The following DOCK1 variants were observed in gnomAD, a reference collection of about 807,000 sequenced individuals.
The protein encoded by DOCK1 is dedicator of cytokinesis protein 1.
A neutral mutation model predicts 262.7 loss-of-function variants in DOCK1; 138 were observed. The ratio of observed to expected loss-of-function variants is 0.53; its 90% CI spans 0.46 to 0.61. DOCK1 has a LOEUF of 0.61. DOCK1 is among the 20% of genes least tolerant of loss of function. The pLI is 0.00. For synonymous variants in DOCK1, 866 were observed against 867.4 expected (o/e 1.00, Z 0.03); for missense variants, 1,908 against 2,370.7 (o/e 0.80, Z 4.05).
At chr10:127,196,697 C>T (rs919291123) in intron 27 of DOCK1, among the ~76,000 whole-genome samples, 16 of 144,440 alleles carry the variant, frequency 1.1e-4, no homozygotes, top group African/African-American at 4.0e-4. Context: ...CCCCCTCCCG[C>T]CGCCGCCAGA....
intron 40 of DOCK1, among the ~76,000 whole-genome samples, chr10:127,405,507 G>A (rs2067468843): frequency 6.8e-6 from 1 of 147,718 alleles, no homozygotes; most frequent in Non-Finnish European, 1.5e-5. Context: ...GATTGCTCTG[G>A]CTTTAGGAAG....
At chr10:126,976,012 A>T (rs998529086) in intron 2 of DOCK1, among the ~76,000 whole-genome samples, 2 of 152,206 alleles carry the variant, frequency 1.3e-5, no homozygotes, top group East Asian at 3.8e-4. Context: ...GTTTCAGAAA[A>T]GAAAGGACAT....
rs960823823 is a variant in DOCK1 at position 126,949,970 on chromosome 10, C to T, written c.47-20732C>T. ...TTGTGGCTAGGGACAGAAGCTGGGT[C>T]AGAAACATTAGCCCCCCAAAGCAGG... On this transcript the variant is annotated intron_variant, in intron 1 of 51. Transcript: ENST00000623213. Among the ~76,000 whole-genome samples, 5 of 151,838 alleles carry T rather than the reference C, an allele frequency of 3.3e-5. No homozygotes were observed. In the South Asian group the frequency reaches 1.0e-3, roughly 32 times the overall value.
At position 127,127,782 on chromosome 10, in the gene DOCK1, T is replaced by C; in HGVS notation, c.2847+18T>C. 1 of 1,598,724 alleles carries C rather than the reference T, an allele frequency of 6.3e-7. No individual in the cohort carries two copies. The highest frequency in any genetic ancestry group is 2.2e-5 in the East Asian group (1 of 44,660). On this transcript the variant is annotated intron_variant, in intron 27 of 51. Transcript: ENST00000623213. The stretch of plus-strand genomic sequence containing the variant: ...AACTCATTGTAAGTGCTTGGTGACA[T>C]ATGTTTGGATATTTAACTGGGGCTG...
At chr10:126,948,042 GTGGTGA>G (rs2035699574) in intron 1 of DOCK1, among the ~76,000 whole-genome samples, 1 of 138,588 alleles carries the variant, frequency 7.2e-6, no homozygotes, top group African/African-American at 2.7e-5. Flanking sequence ...ATTACTGTTG[GTGGTGA>G]TGGTGGTGGT....
chr10:127,059,188 A>C (rs2045370909), intron 22 of DOCK1, among the ~76,000 whole-genome samples: 1 of 152,046 alleles, frequency 6.6e-6, no homozygotes, highest in Non-Finnish European at 1.5e-5. Context: ...TTACTGTTAC[A>C]TCTTTGAATT....
chr10:127,130,129 G>C (rs2050233415), intron 27 of DOCK1, among the ~76,000 whole-genome samples: 1 of 143,174 alleles, frequency 7.0e-6, no homozygotes, highest in African/African-American at 2.7e-5. Context: ...TGTCGCCCAG[G>C]CTGGAGTGCA....
At chr10:127,401,732 C>A (rs1415890358) in intron 38 of DOCK1, among the ~76,000 whole-genome samples, 1 of 151,728 alleles carries the variant, frequency 6.6e-6, no homozygotes, top group Non-Finnish European at 1.5e-5. Flanking sequence ...ACAGTGTACA[C>A]CTGCCTGACC....
At chr10:127,072,487 GA>G (rs2046287551) in intron 23 of DOCK1, among the ~76,000 whole-genome samples, 1 of 152,180 alleles carries the variant, frequency 6.6e-6, no homozygotes, top group Non-Finnish European at 1.5e-5. Context: ...CTCATTTTAA[GA>G]AAAAGTAAAG....
At chr10:127,193,764 C>A (rs539710545) in intron 27 of DOCK1, among the ~76,000 whole-genome samples, 106 of 151,364 alleles carry the variant, frequency 7.0e-4, no homozygotes, top group Non-Finnish European at 1.4e-3. Context: ...TTTTTCCCTA[C>A]AGAGGGAGAA....
chr10:127,433,519 C>A (rs1267201236), intron 48 of DOCK1, 91 bp downstream of exon 48: 3 of 1,453,264 alleles, frequency 2.1e-6, no homozygotes, highest in South Asian at 2.9e-5. Context: ...TATTTTCTTA[C>A]AACTGAGGAT....
intron 35 of DOCK1, among the ~76,000 whole-genome samples, chr10:127,377,620 G>T (rs1388341282): frequency 1.3e-5 from 2 of 152,002 alleles, no homozygotes; most frequent in Non-Finnish European, 2.9e-5. Context: ...AAATAGGTCC[G>T]GGTGTGGTGG....
intron 12 of DOCK1, among the ~76,000 whole-genome samples, chr10:127,015,664 C>T (rs1163437501): frequency 1.3e-5 from 2 of 152,182 alleles, no homozygotes; most frequent in Admixed American, 1.3e-4. Flanking sequence ...CCCCGTGGTT[C>T]TGCTGACTTG....
chr10:127,127,416 T>C lies in DOCK1; in HGVS notation c.2752-253T>C, dbSNP rs556604901. ...TTATATTGTTTAAACAGATTTTCTT[T>C]TATTTTTAAGGTTTGCTTAAATTAA... On this transcript the variant is annotated intron_variant, in intron 26 of 51. Transcript: ENST00000623213. 4.6e-5 allele frequency among the ~76,000 whole-genome samples: 7 copies of C among 152,364 alleles called. No homozygotes were observed. The East Asian group carries it at 1.3e-3, about 29-fold the overall frequency.
In DOCK1 at chr10:127,440,822, G is replaced by A. The variant is rs1245725806; in HGVS notation, c.5259+1597G>A. Among the ~76,000 whole-genome samples, 3 of 152,186 alleles carry A rather than the reference G, an allele frequency of 2.0e-5. No individual in the cohort carries two copies. The East Asian group carries it at 5.8e-4, about 29-fold the overall frequency. On this transcript the variant is annotated intron_variant, in intron 49 of 51. Coordinates refer to ENST00000623213, the MANE Select transcript of DOCK1 (RefSeq NM_001290223.2). ...TGGCCGAGGATGTCAGACCAGGGGG[G>A]CACTGGCTGGAGGCTGGCCTGAAGT...
intron 24 of DOCK1, among the ~76,000 whole-genome samples, chr10:127,107,937 C>G (rs1383165671): frequency 1.3e-5 from 2 of 152,204 alleles, no homozygotes; most frequent in African/African-American, 4.8e-5. Flanking sequence ...CCTGTCCTCA[C>G]TGTACGCACA....
At chr10:127,327,104 T>A (rs1055322103) in intron 29 of DOCK1, among the ~76,000 whole-genome samples, 1 of 152,190 alleles carries the variant, frequency 6.6e-6, no homozygotes, top group Non-Finnish European at 1.5e-5. Flanking sequence ...TTAAGGGCGC[T>A]AGGATGTTCA....
chr10:127,423,020 G>C (rs1048504242), intron 46 of DOCK1, among the ~76,000 whole-genome samples: 1 of 152,090 alleles, frequency 6.6e-6, no homozygotes, highest in Non-Finnish European at 1.5e-5. Context: ...TCACAGGAAA[G>C]GTAAAAGAAT....
intron 1 of DOCK1, among the ~76,000 whole-genome samples, chr10:126,960,689 C>A (rs2037124191): frequency 6.7e-6 from 1 of 148,546 alleles, no homozygotes; most frequent in African/African-American, 2.5e-5. Flanking sequence ...TGATTGCTGG[C>A]TTTATTTGTG....
Sources: allele counts gnomAD v4.1 joint callset (sites outside exome capture counted in the v4.1 genomes callset), GRCh38; gene constraint gnomAD v4.1.1; transcripts MANE v1.5; gene names NCBI Gene and HGNC (gene_info 2026-07-23, HGNC 2026-07-21).